Variants in ARHGEF37 observed in about 807,000 individuals in gnomAD.
ARHGEF37 encodes the protein Rho guanine nucleotide exchange factor (GEF) 37.
In ARHGEF37, 55 loss-of-function variants were observed where a neutral mutation model predicts 71.1. The ratio of observed to expected loss-of-function variants is 0.77; its 90% confidence interval spans 0.62 to 0.97. The LOEUF is 0.97. Ranked by LOEUF, ARHGEF37 falls within the 50% of genes least tolerant of loss-of-function variation. ARHGEF37 has a pLI of 0.00. For missense variants in ARHGEF37, 765 were observed against 836.8 expected (o/e 0.91, Z 1.06); for synonymous variants, 327 against 350.6 (o/e 0.93, Z 0.75).
In ARHGEF37 at chr5:149,624,127, C is replaced by T. The variant is rs1267177185; in HGVS notation, c.1451C>T (p.Pro484Leu). ...FQETFEKVQP[P>L]PTTQPLLPGS... ...GAGACCTTTGAGAAAGTGCAGCCAC[C>T]TCCCACCACACAAGTAAGCATCCTT... The change falls in exon 10 of 13, where the codon CCT becomes CTT. Residue 484 changes from proline (P) to leucine (L), a missense_variant. Pro to Leu is a moderately conservative substitution (Grantham distance 98). Coordinates refer to ENST00000333677, the MANE Select transcript of ARHGEF37 (RefSeq NM_001001669.3). The T allele has an allele frequency of 1.2e-6, 2 of 1,609,360 alleles. No homozygotes were observed. Among genetic ancestry groups the T allele is most frequent in the Non-Finnish European group, 1.7e-6 (2 of 1,176,148 alleles).
chr5:149,611,113 C>T (rs2113346391), intron 4 of ARHGEF37, among the ~76,000 whole-genome samples: 1 of 152,294 alleles, frequency 6.6e-6, no homozygotes, highest in South Asian at 2.1e-4. Flanking sequence ...ACATCATGGT[C>T]TCATGGTTCT....
At chr5:149,573,904 G>C (rs2113250451) in intron 1 of ARHGEF37, among the ~76,000 whole-genome samples, 1 of 152,246 alleles carries the variant, frequency 6.6e-6, no homozygotes, top group African/African-American at 2.4e-5. Context: ...CATTGTGTGA[G>C]ATACTGGGAT....
chr5:149,628,290 A>G (rs1048503281), intron 11 of ARHGEF37, among the ~76,000 whole-genome samples: 1 of 152,242 alleles, frequency 6.6e-6, no homozygotes, highest in African/African-American at 2.4e-5. Flanking sequence ...TGTGAAGACT[A>G]TGTAATGAAA....
chr5:149,624,797 T>C (rs571721611), intron 10 of ARHGEF37, among the ~76,000 whole-genome samples: 1 of 152,318 alleles, frequency 6.6e-6, no homozygotes, highest in African/African-American at 2.4e-5. Context: ...AAATTTTGAT[T>C]ATGTCATTTA....
At chr5:149,569,819 C>G (rs556989404) in intron 1 of ARHGEF37, among the ~76,000 whole-genome samples, 92 of 151,292 alleles carry the variant, frequency 6.1e-4, no homozygotes, top group African/African-American at 2.2e-3. Flanking sequence ...GAGGGTTTCA[C>G]TATGTTTGCC....
intron 2 of ARHGEF37, among the ~76,000 whole-genome samples, chr5:149,599,791 C>G (rs1470210387): frequency 6.6e-6 from 1 of 152,040 alleles, no homozygotes; most frequent in Non-Finnish European, 1.5e-5. Context: ...TGATTATATC[C>G]CAGTCTTGAC....
At chr5:149,587,827 A>G (rs1332967484) in intron 1 of ARHGEF37, among the ~76,000 whole-genome samples, 2 of 151,084 alleles carry the variant, frequency 1.3e-5, no homozygotes, top group Non-Finnish European at 2.9e-5. Flanking sequence ...ATCTTTATAA[A>G]CCAGGCTTGG....
chr5:149,601,194 G>A lies in ARHGEF37; in HGVS notation c.273G>A (p.Glu91=), dbSNP rs1763745334. The A allele has an allele frequency of 2.5e-6, 4 of 1,613,204 alleles. No homozygotes were observed. Among genetic ancestry groups the A allele is most frequent in the Non-Finnish European group, 3.4e-6 (4 of 1,179,312 alleles). ...VNSRFLHDLQ[E]TASKEEEQVQ... Reference sequence around the variant, plus strand: ...GCAGATTCCTCCATGATCTGCAGGAGACAGCCTCCAAGGAAGAGGAACAAG... The same window carrying A: ...GCAGATTCCTCCATGATCTGCAGGAAACAGCCTCCAAGGAAGAGGAACAAG... The change falls in exon 3 of 13, where the codon GAG becomes GAA. Residue 91 remains glutamate, a synonymous_variant. Coordinates refer to ENST00000333677, the MANE Select transcript of ARHGEF37 (RefSeq NM_001001669.3).
intron 1 of ARHGEF37, among the ~76,000 whole-genome samples, chr5:149,555,376 T>C (rs1165075948): frequency 6.6e-6 from 1 of 151,932 alleles, no homozygotes; most frequent in African/African-American, 2.4e-5. Context: ...CCACCATAGC[T>C]CACTATAGTC....
chr5:149,571,260 T>C (rs1176444825), intron 1 of ARHGEF37, among the ~76,000 whole-genome samples: 1 of 151,980 alleles, frequency 6.6e-6, no homozygotes, highest in Non-Finnish European at 1.5e-5. Context: ...TTTTGTTTTG[T>C]TTTGCTTCGT....
chr5:149,630,840 C>G (rs992609768), intron 12 of ARHGEF37, among the ~76,000 whole-genome samples: 3 of 152,218 alleles, frequency 2.0e-5, no homozygotes, highest in Non-Finnish European at 2.9e-5. Flanking sequence ...TTCCATGGTG[C>G]TTAATGTTCC....
chr5:149,576,576 A>G (rs534581285), upstream of ARHGEF37, among the ~76,000 whole-genome samples: 5 of 152,362 alleles, frequency 3.3e-5, no homozygotes, highest in African/African-American at 9.6e-5. Context: ...TTTAGCCACC[A>G]TAACATAAAT....
intron 12 of ARHGEF37, among the ~76,000 whole-genome samples, chr5:149,630,779 C>G (rs1487530458): frequency 1.3e-5 from 2 of 152,238 alleles, no homozygotes. Context: ...CCAAGCATAT[C>G]AGCTGCTTCC....
At chr5:149,598,070 T>C (rs1763603803) in intron 2 of ARHGEF37, 115 bp downstream of exon 2, 2 of 1,287,130 alleles carry the variant, frequency 1.6e-6, no homozygotes, top group South Asian at 1.5e-5. Flanking sequence ...GCGTGGTAGA[T>C]GTGAAGTCTG....
intron 1 of ARHGEF37, among the ~76,000 whole-genome samples, chr5:149,553,354 C>G (rs1013250048): frequency 6.6e-6 from 1 of 151,932 alleles, no homozygotes; most frequent in East Asian, 1.9e-4. Context: ...GAGCCGAGAT[C>G]GTGCCACTGC....
intron 3 of ARHGEF37, among the ~76,000 whole-genome samples, chr5:149,607,340 G>A (rs1439208183): frequency 2.6e-5 from 4 of 152,238 alleles, no homozygotes; most frequent in Non-Finnish European, 5.9e-5. Context: ...CTCTGCAGGT[G>A]TCCTTCCCTA....
At chr5:149,628,687 C>T in intron 11 of ARHGEF37, 122 bp from the exon 12 acceptor site, 6 of 1,324,926 alleles carry the variant, frequency 4.5e-6, no homozygotes, top group South Asian at 4.5e-5. Context: ...CCTAGATGAC[C>T]TTTTGGTTCT....
upstream of ARHGEF37, among the ~76,000 whole-genome samples, chr5:149,577,013 C>A (rs180968367): frequency 2.2e-4 from 33 of 152,178 alleles, no homozygotes; most frequent in African/African-American, 7.9e-4. Context: ...AACTTACGTT[C>A]TAGACTTAGT....
rs560100375 is a variant in ARHGEF37, at chr5:149,615,829, T to C, written c.459-738T>C. Among the ~76,000 whole-genome samples, 27 of 152,150 alleles carry C rather than the reference T, an allele frequency of 1.8e-4. No individual in the cohort carries two copies. In the East Asian group the frequency reaches 4.6e-3, roughly 26 times the overall value. ...ACCACTTGAACCTGGGAGGCAGAGG[T>C]TGCAGTGAGCCGAGATCGCACCACT... On this transcript the variant is annotated intron_variant, in intron 4 of 12. Coordinates refer to ENST00000333677, the MANE Select transcript of ARHGEF37 (RefSeq NM_001001669.3).
Sources: gnomAD v4.1 joint callset for allele counts (sites outside exome capture counted in the v4.1 genomes callset) on GRCh38, gnomAD v4.1.1 for gene constraint, MANE v1.5 for transcripts, NCBI Gene and HGNC (gene_info 2026-07-23, HGNC 2026-07-21) for gene names.